The following ARID1B variants were observed in gnomAD, a reference collection of about 807,000 sequenced individuals.
The protein encoded by ARID1B is AT-rich interaction domain 1B.
ARID1B carries 30 observed loss-of-function variants against 212.3 expected under a neutral mutation model. That is an observed-to-expected ratio of 0.14 (90% CI 0.11 to 0.19). ARID1B has a LOEUF of 0.19. Among genes scored for constraint, ARID1B ranks in the 10% least tolerant of loss-of-function variants. The pLI, the probability that ARID1B is intolerant of heterozygous loss-of-function variation, is 1.00. For missense variants in ARID1B, 2,891 were observed against 3,204.0 expected (o/e 0.90, Z 2.36); for synonymous variants, 1,402 against 1,301.7 (o/e 1.08, Z -1.66).
intron 4 of ARID1B, among the ~76,000 whole-genome samples, chr6:157,063,734 C>T (rs1239785918): frequency 1.3e-5 from 2 of 152,172 alleles, no homozygotes; most frequent in African/African-American, 2.4e-5. Context: ...ACAATCTAGT[C>T]CTTGTACAAT....
At chr6:157,121,735 A>G (rs1787736161) in intron 6 of ARID1B, among the ~76,000 whole-genome samples, 1 of 149,042 alleles carries the variant, frequency 6.7e-6, no homozygotes, top group Admixed American at 6.8e-5. Context: ...GGGTTCAAGC[A>G]GTTCTCCTGC....
chr6:156,914,642 A>G (rs1053578886), intron 3 of ARID1B, among the ~76,000 whole-genome samples: 3 of 152,214 alleles, frequency 2.0e-5, no homozygotes, highest in East Asian at 3.9e-4. Flanking sequence ...TGACTTTCAT[A>G]TGTACTTTTG....
At chr6:156,900,489 C>T (rs980564085) in intron 2 of ARID1B, among the ~76,000 whole-genome samples, 1 of 152,148 alleles carries the variant, frequency 6.6e-6, no homozygotes, top group Non-Finnish European at 1.5e-5. Context: ...TTGAAGTTCT[C>T]CAGTGGACCA....
intron 4 of ARID1B, among the ~76,000 whole-genome samples, chr6:156,997,986 T>A (rs1041082446): frequency 6.6e-6 from 1 of 152,150 alleles, no homozygotes; most frequent in African/African-American, 2.4e-5. Flanking sequence ...GGGACAATAA[T>A]ATGGGGTCTA....
rs538835406 is a variant in ARID1B at position 157,107,690 on chromosome 6, C to G, written c.2492-2782C>G. The G allele has an allele frequency of 5.3e-5, 8 of 152,158 alleles. No individual in the cohort carries two copies. The South Asian group carries it at 1.7e-3, about 32-fold the overall frequency. The allele number at this position is 152,158 out of a possible 1,614,324, so 9.4% of individuals were successfully genotyped here. ...TATGCTTACATCATAATAGACATTG[C>G]TGAGGAAAGAACACGGGGGCTCTCT... is the stretch of plus-strand genomic sequence containing the variant. On this transcript the variant is annotated intron_variant, in intron 5 of 19. Transcript: ENST00000636930.
chr6:157,187,296 C>G (rs1793040651), intron 13 of ARID1B, among the ~76,000 whole-genome samples: 1 of 152,110 alleles, frequency 6.6e-6, no homozygotes, highest in Admixed American at 6.5e-5. Context: ...AGTCTGTAAC[C>G]AAAAACCCAT....
At chr6:156,974,561 ATCT>A (rs541265411) in intron 4 of ARID1B, among the ~76,000 whole-genome samples, 342 of 152,344 alleles carry the variant, frequency 2.2e-3, no homozygotes, top group African/African-American at 7.5e-3. Context: ...ACTCTCTGAC[ATCT>A]TCTTCACACA....
intron 2 of ARID1B, among the ~76,000 whole-genome samples, chr6:156,896,576 CAAAAAAAAAAA>C (rs72490811): frequency 4.6e-4 from 21 of 45,912 alleles, no homozygotes; most frequent in African/African-American, 1.8e-3. Flanking sequence ...AACTGCGTCT[CAAAAAAAAAAA>C]AAAAAAAAAA....
intron 4 of ARID1B, among the ~76,000 whole-genome samples, chr6:157,045,259 T>A (rs1782158125): frequency 6.6e-6 from 1 of 152,220 alleles, no homozygotes; most frequent in African/African-American, 2.4e-5. Flanking sequence ...GCCTAAGATA[T>A]GCCCCAGGCT....
intron 5 of ARID1B, among the ~76,000 whole-genome samples, chr6:157,086,479 T>G (rs548782092): frequency 6.6e-5 from 10 of 152,368 alleles, no homozygotes; most frequent in Admixed American, 1.3e-4. Flanking sequence ...ATGTAAAATA[T>G]TGCGTTACTC....
chr6:157,104,668 C>T (rs531389659), intron 5 of ARID1B, among the ~76,000 whole-genome samples: 21 of 152,270 alleles, frequency 1.4e-4, no homozygotes, highest in African/African-American at 5.1e-4. Context: ...AGGAAGACTA[C>T]GTGCTTAGGA....
chr6:157,189,612 T>C, intron 13 of ARID1B, 30 bp from the exon 14 acceptor site: 1 of 1,577,186 alleles, frequency 6.3e-7, no homozygotes, highest in Non-Finnish European at 8.6e-7. Context: ...CTGGATTTCT[T>C]CCTGTTTCTC....
intron 1 of ARID1B, among the ~76,000 whole-genome samples, chr6:156,791,055 TAA>T (rs1186913671): frequency 6.6e-6 from 1 of 152,258 alleles, no homozygotes; most frequent in Non-Finnish European, 1.5e-5. Flanking sequence ...TTGGATAACT[TAA>T]AAGAATATGC....
chr6:157,126,054 A>G (rs567901995), intron 6 of ARID1B, among the ~76,000 whole-genome samples: 1 of 152,166 alleles, frequency 6.6e-6, no homozygotes, highest in Non-Finnish European at 1.5e-5. Context: ...AAATAGGTGC[A>G]TGCTGGTGGA....
chr6:156,814,282 GGT>G (rs1781811776), intron 1 of ARID1B, among the ~76,000 whole-genome samples: 1 of 152,108 alleles, frequency 6.6e-6, no homozygotes, highest in African/African-American at 2.4e-5. Context: ...AGCTGGGCAT[GGT>G]GGCACGCGCC....
chr6:157,188,016 A>G (rs1793100049), intron 13 of ARID1B, among the ~76,000 whole-genome samples: 2 of 152,202 alleles, frequency 1.3e-5, no homozygotes, highest in South Asian at 2.1e-4. Context: ...CCTTTACTCC[A>G]ATATACCTTT....
intron 4 of ARID1B, among the ~76,000 whole-genome samples, chr6:157,035,673 A>G (rs888884009): frequency 6.6e-6 from 1 of 152,228 alleles, no homozygotes; most frequent in Non-Finnish European, 1.5e-5. Context: ...TATCAGCAAC[A>G]TATGGTTTTC....
chr6:157,098,420 G>A (rs942669961), intron 5 of ARID1B, among the ~76,000 whole-genome samples: 13 of 152,196 alleles, frequency 8.5e-5, no homozygotes, highest in Non-Finnish European at 1.5e-4. Flanking sequence ...CTCCACAAGT[G>A]GGTTTTCACG....
intron 4 of ARID1B, among the ~76,000 whole-genome samples, chr6:157,067,667 G>A (rs1299061821): frequency 6.6e-6 from 1 of 152,132 alleles, no homozygotes; most frequent in Non-Finnish European, 1.5e-5. Context: ...TGCTTTCCTT[G>A]CATTTTTCCG....
Sources: gnomAD v4.1 joint callset for allele counts (sites outside exome capture counted in the v4.1 genomes callset) on GRCh38, gnomAD v4.1.1 for gene constraint, MANE v1.5 for transcripts, NCBI Gene and HGNC (gene_info 2026-07-23, HGNC 2026-07-21) for gene names.